The following ZNF473 variants were observed in gnomAD, a reference collection of about 807,000 sequenced individuals.
ZNF473 encodes zinc finger protein 100 homolog.
Under a neutral mutation model 11.1 loss-of-function variants are expected in ZNF473, and 4 were observed. That is an observed-to-expected ratio of 0.36 (90% confidence interval 0.18 to 0.82). ZNF473 has a LOEUF of 0.82. ZNF473 is among the 40% of genes least tolerant of loss of function. The probability of loss-of-function intolerance (pLI) is 0.49; values close to 1 mark genes in which losing one functional copy is unlikely to be tolerated. For missense variants in ZNF473, 854 were observed against 1,084.0 expected, an observed-to-expected ratio of 0.79 and a Z score of 2.98; for synonymous variants, 404 against 390.4, an observed-to-expected ratio of 1.03 and a Z score of -0.41.
chr19:50,041,132 G>C (rs962653158), intron 3 of ZNF473: 1 of 152,238 alleles, frequency 6.6e-6, no homozygotes, highest in Non-Finnish European at 1.5e-5. Flanking sequence ...CCTTCTGGAG[G>C]CTCCAGCACG....
At chr19:50,031,331 T>C (rs1365005054) in intron 2 of ZNF473, among the ~76,000 whole-genome samples, 3 of 152,192 alleles carry the variant, frequency 2.0e-5, no homozygotes, top group Non-Finnish European at 4.4e-5. Flanking sequence ...CCCCTATTGC[T>C]TATAGAATAA....
At chr19:50,027,149 AT>A (rs2077288366) in intron 1 of ZNF473, among the ~76,000 whole-genome samples, 1 of 152,062 alleles carries the variant, frequency 6.6e-6, no homozygotes, top group Admixed American at 6.6e-5. Context: ...TAGGGTGCAT[AT>A]TTTATAATTA....
chr19:50,040,640 C>CT (rs2122837228), intron 3 of ZNF473: 1 of 152,484 alleles, frequency 6.6e-6, no homozygotes, highest in South Asian at 2.1e-4. Flanking sequence ...GTCTGTGCAG[C>CT]TCCAAGGCCA....
chr19:50,043,641 G>T (rs190310930), intron 4 of ZNF473, among the ~76,000 whole-genome samples: 1 of 151,842 alleles, frequency 6.6e-6, no homozygotes, highest in Non-Finnish European at 1.5e-5. Context: ...AATCTTTCTC[G>T]TGGCCGCCTC....
chr19:50,031,941 C>T (rs1458899486), intron 2 of ZNF473, among the ~76,000 whole-genome samples: 1 of 152,020 alleles, frequency 6.6e-6, no homozygotes, highest in African/African-American at 2.4e-5. Context: ...CCCCTTGGCC[C>T]ACACAGTCCC....
intron 3 of ZNF473, among the ~76,000 whole-genome samples, chr19:50,040,316 A>G (rs1401128853): frequency 6.6e-6 from 1 of 152,216 alleles, no homozygotes; most frequent in Non-Finnish European, 1.5e-5. Context: ...TCGCGTGTGA[A>G]ATGCTGTCCA....
In ZNF473 at chr19:50,035,932, G is replaced by A. The variant is rs928797330; in HGVS notation, c.10-3229G>A. ...CGTGCCACCCCACCACCTACTCACC[G>A]TGTGCTGTGGTTGGAATGTTTGTCC... On this transcript the variant is annotated intron_variant, in intron 2 of 4. Transcript: ENST00000270617. 9.2e-5 allele frequency among the ~76,000 whole-genome samples: 14 copies of A among 152,104 alleles called. 1 individual carries two copies. The highest frequency in any genetic ancestry group is 4.6e-4 in the Admixed American group (7 of 15,284).
intron 1 of ZNF473, 130 bp from the exon 2 acceptor site, chr19:50,030,762 A>T: frequency 2.2e-6 from 1 of 451,552 alleles, no homozygotes; most frequent in Non-Finnish European, 4.1e-6. Flanking sequence ...TCTCCTAAAC[A>T]TGTGCTGACT....
chr19:50,043,651 C>T (rs1978912826), intron 4 of ZNF473, among the ~76,000 whole-genome samples: 1 of 151,984 alleles, frequency 6.6e-6, no homozygotes, highest in South Asian at 2.1e-4. Context: ...GTGGCCGCCT[C>T]TGTGGCAGTG....
chr19:50,035,922 C>A (rs1238264740), intron 2 of ZNF473, among the ~76,000 whole-genome samples: 1 of 152,142 alleles, frequency 6.6e-6, no homozygotes, highest in Admixed American at 6.5e-5. Flanking sequence ...CACCCCACCA[C>A]CTACTCACCG....
At chr19:50,036,860 G>A (rs1017361118) in intron 2 of ZNF473, among the ~76,000 whole-genome samples, 1 of 152,102 alleles carries the variant, frequency 6.6e-6, no homozygotes, top group African/African-American at 2.4e-5. Context: ...TCCCAGCCTC[G>A]AGAACTATAG....
In ZNF473 at chr19:50,047,007, C is replaced by G. The variant is rs957062054; in HGVS notation, c.2564C>G (p.Ser855Trp). ...QRCQKAFRCH[S>W]SLSRHQRVHN... ...TGCCAGAAAGCCTTTCGGTGCCACT[C>G]GAGCCTCAGCCGCCATCAGCGTGTA... Residue 855 changes from serine to tryptophan, a missense_variant, in exon 5 of 5, where the codon TCG becomes TGG. Around this residue, in one of 2 missense-constraint regions of ZNF473, gnomAD observed 186 missense variants for 293.8 expected, o/e 0.63. Coordinates refer to ENST00000270617, the MANE Select transcript of ZNF473 (RefSeq NM_015428.4). The G allele has an allele frequency of 1.7e-5, 27 of 1,613,738 alleles. No individual in the cohort carries two copies. Among genetic ancestry groups the G allele is most frequent in the Non-Finnish European group, 2.3e-5 (27 of 1,180,006 alleles).
At chr19:50,041,907 C>A in intron 4 of ZNF473, 88 bp downstream of exon 4, 4 of 1,050,550 alleles carry the variant, frequency 3.8e-6, no homozygotes, top group Non-Finnish European at 5.6e-6. Context: ...ACAGGTCTAC[C>A]GAGACATTAC....
In ZNF473 at chr19:50,044,655, C is replaced by T; in HGVS notation, c.227-15C>T. 1.3e-6 allele frequency: 2 copies of T among 1,585,298 alleles called. No homozygotes were observed. The highest frequency in any genetic ancestry group is 1.7e-6 in the Non-Finnish European group (2 of 1,163,520). On this transcript the variant is annotated splice_polypyrimidine_tract_variant and intron_variant, in intron 4 of 4. Transcript: ENST00000270617. ...ACCCTTAGTGAACAGGAGACATTTGCACTTGCTCTTTCAGATGTGACTGAG... is the reference window on the plus strand; with the variant it reads ...ACCCTTAGTGAACAGGAGACATTTGTACTTGCTCTTTCAGATGTGACTGAG...
chr19:50,028,317 A>AC (rs2077298606), intron 1 of ZNF473, among the ~76,000 whole-genome samples: 1 of 134,510 alleles, frequency 7.4e-6, no homozygotes, highest in African/African-American at 3.8e-5. Flanking sequence ...AAAAAAAACA[A>AC]ATTTAATTTT....
rs1228253102 is a variant in ZNF473, at chr19:50,046,923, C to T, written c.2480C>T (p.Ala827Val). 1.2e-6 allele frequency: 2 copies of T among 1,614,166 alleles called. No individual in the cohort carries two copies. The highest frequency in any genetic ancestry group is 1.3e-5 in the African/African-American group (1 of 75,022). ...NVCGKAFVLS[A>V]HLNQHLRVHT... ...TGTGGCAAAGCTTTTGTCCTCAGTG[C>T]CCATCTCAACCAGCACCTGAGAGTT... is the stretch of plus-strand genomic sequence containing the variant. Residue 827 changes from alanine to valine, a missense_variant, in exon 5 of 5, where the codon GCC becomes GTC. Coordinates refer to ENST00000270617, the MANE Select transcript of ZNF473 (RefSeq NM_015428.4). This position sits in a 1 kb window ranked among gnomAD's most constrained non-coding sequence, Gnocchi z 5.9.
chr19:50,035,491 T>TGTGTGTGTGTGTGTGTG (rs1600754167), intron 2 of ZNF473, among the ~76,000 whole-genome samples: 1 of 51,222 alleles, frequency 2.0e-5, no homozygotes, highest in African/African-American at 6.4e-5. Context: ...GTGTGTGTGT[T>TGTGTGTGTGTGTGTGTG]TGGCTGTTCT....
intron 1 of ZNF473, among the ~76,000 whole-genome samples, chr19:50,030,468 A>G (rs2077311864): frequency 6.6e-6 from 1 of 152,170 alleles, no homozygotes; most frequent in Non-Finnish European, 1.5e-5. Flanking sequence ...TGATTGTGCC[A>G]CTGTAGTACT....
At chr19:50,038,155 A>G (rs964639228) in intron 2 of ZNF473, among the ~76,000 whole-genome samples, 2 of 147,258 alleles carry the variant, frequency 1.4e-5, no homozygotes, top group African/African-American at 5.0e-5. Flanking sequence ...CTACAGGTGC[A>G]TATATAAATT....
Sources: allele counts gnomAD v4.1 joint callset (sites outside exome capture counted in the v4.1 genomes callset), GRCh38; gene constraint gnomAD v4.1.1; regional missense constraint gnomAD v4.1.1; non-coding constraint Gnocchi (gnomAD v3.1); transcripts MANE v1.5; gene names NCBI Gene and HGNC (gene_info 2026-07-23, HGNC 2026-07-21).